PCDHB4: variants seen among roughly 807,000 people sequenced by gnomAD.
The protein encoded by PCDHB4 is protocadherin beta 4.
For synonymous variants in PCDHB4, 482 were observed against 447.3 expected, an observed-to-expected ratio of 1.08 and a Z score of -0.98; for missense variants, 1,063 against 1,007.0, an observed-to-expected ratio of 1.06 and a Z score of -0.75.
Position 141,124,080 on chromosome 5 carries a change from C to T in PCDHB4, c.2082C>T (p.Ala694=), listed in dbSNP as rs17844419. 44 of 1,608,096 alleles carry T rather than the reference C, an allele frequency of 2.7e-5. No homozygotes were observed. The highest frequency in any genetic ancestry group is 1.1e-4 in the East Asian group (5 of 44,860). ...CCGTCTACCTGGTGGTGGCGTTGGCCTCGGTGTCGTCGCTCTTCCTCTTCT... is the reference window on the plus strand; with the variant it reads ...CCGTCTACCTGGTGGTGGCGTTGGCTTCGGTGTCGTCGCTCTTCCTCTTCT... ...SLTVYLVVAL[A]SVSSLFLFSV... The change falls in exon 1 of 1, where the codon GCC becomes GCT. Residue 694 remains alanine, a synonymous_variant. Transcript: ENST00000194152.
rs1752322926 is a variant in PCDHB4, at chr5:141,122,998, A to G, written c.1000A>G (p.Ile334Val). ...CCTTTCTGGAAAAGGCACTGTAGTC[A>G]TAGAGGTGGTGGATGTGAATGACAA... Reference protein sequence around the residue: ...GGLSGKGTVVIEVVDVNDNPP... With the variant: ...GGLSGKGTVVVEVVDVNDNPP... The change falls in exon 1 of 1, where the codon ATA becomes GTA. Residue 334 changes from isoleucine to valine, a missense_variant. Coordinates refer to ENST00000194152, the MANE Select transcript of PCDHB4 (RefSeq NM_018938.4). The G allele has an allele frequency of 6.2e-7, 1 of 1,614,078 alleles. No homozygotes were observed. Among genetic ancestry groups the G allele is most frequent in the South Asian group, 1.1e-5 (1 of 91,052 alleles).
Position 141,122,079 on chromosome 5 carries a change from C to G in PCDHB4, c.81C>G (p.Leu27=). 1 of 1,614,058 alleles carries G rather than the reference C, an allele frequency of 6.2e-7. No homozygotes were observed. The highest frequency in any genetic ancestry group is 8.5e-7 in the Non-Finnish European group (1 of 1,180,004). Residue 27 remains leucine (L), a synonymous_variant, in exon 1 of 1, where the codon CTC becomes CTG. Transcript: ENST00000194152. ...TGGTGTTCTTGTCTCAGGTTCGCCT[C>G]GAGCCTATTCGTTATTCTGTGTTGG... The part of the protein sequence containing the change: ...ILMVFLSQVR[L]EPIRYSVLEE...
chr5:141,121,828 A>C lies in PCDHB4; in HGVS notation c.-171A>C. 1.9e-6 allele frequency: 1 copy of C among 533,062 alleles called. No individual in the cohort carries two copies. The highest frequency in any genetic ancestry group is 3.0e-5 in the East Asian group (1 of 33,090). 33.0% of individuals were successfully genotyped at this position (533,062 alleles called of 1,614,324 possible). ...GACGCAATCAAAAACACACGGAAGAAGCGTTACAAGCAGTGCAGGTTTACC... is the reference window on the plus strand; with the variant it reads ...GACGCAATCAAAAACACACGGAAGACGCGTTACAAGCAGTGCAGGTTTACC... On this transcript the variant is annotated 5_prime_UTR_variant, in exon 1 of 1. Transcript: ENST00000194152.
Position 141,123,702 on chromosome 5 carries a change from C to T in PCDHB4, c.1704C>T (p.Ser568=), listed in dbSNP as rs782809098. The T allele has an allele frequency of 6.2e-6, 10 of 1,610,910 alleles. No individual in the cohort carries two copies. Among genetic ancestry groups the T allele is most frequent in the Non-Finnish European group, 8.5e-6 (10 of 1,179,686 alleles). Residue 568 remains serine, a synonymous_variant, in exon 1 of 1, where the codon TCC becomes TCT. Transcript: ENST00000194152. The part of the protein sequence containing the change: ...PFVLYPLQNG[S]APCTELVPRA... ...TGCTGTACCCGCTGCAGAATGGCTC[C>T]GCGCCCTGCACCGAGCTGGTGCCCC...
In PCDHB4 at chr5:141,124,044, C is replaced by A; in HGVS notation, c.2046C>A (p.Ala682=). The A allele has an allele frequency of 6.2e-7, 1 of 1,606,558 alleles. No homozygotes were observed. Among genetic ancestry groups the A allele is most frequent in the Non-Finnish European group, 8.5e-7 (1 of 1,179,738 alleles). The change falls in exon 1 of 1, where the codon GCC becomes GCA. Residue 682 remains alanine (A), a synonymous_variant. Transcript: ENST00000194152. ...AGGCGGCCCCGGCCCAGGCCCAGGC[C>A]GACTCTCTCACCGTCTACCTGGTGG... is the stretch of plus-strand genomic sequence containing the variant. ...LPEAAPAQAQ[A]DSLTVYLVVA...
chr5:141,123,543 C>T lies in PCDHB4; in HGVS notation c.1545C>T (p.Leu515=). ...CAGACAACGGCCACCTGTTCGCCCT[C>T]AGGTCGCTGGACTACGAGGCCCTGC... ...INADNGHLFA[L]RSLDYEALQA... The change falls in exon 1 of 1, where the codon CTC becomes CTT. Residue 515 remains leucine, a synonymous_variant. Coordinates refer to ENST00000194152, the MANE Select transcript of PCDHB4 (RefSeq NM_018938.4). 1 of 1,613,184 alleles carries T rather than the reference C, an allele frequency of 6.2e-7. No individual in the cohort carries two copies. Among genetic ancestry groups the T allele is most frequent in the East Asian group, 2.2e-5 (1 of 44,882 alleles).
chr5:141,122,183 C>T lies in PCDHB4; in HGVS notation c.185C>T (p.Ser62Leu). The T allele has an allele frequency of 6.2e-7, 1 of 1,614,180 alleles. No individual in the cohort carries two copies. Among genetic ancestry groups the T allele is most frequent in the African/African-American group, 1.3e-5 (1 of 75,052 alleles). ...GLGIGELASR[S>L]ARVLSDDDKQ... ...GGAATTGGGGAACTGGCCTCCCGGTCAGCCCGGGTGCTGTCTGACGATGAC... is the reference window on the plus strand; with the variant it reads ...GGAATTGGGGAACTGGCCTCCCGGTTAGCCCGGGTGCTGTCTGACGATGAC... Residue 62 changes from serine (S) to leucine (L), a missense_variant, in exon 1 of 1, where the codon TCA becomes TTA. Physicochemically the swap from Ser to Leu is moderately radical, Grantham distance 145 (BLOSUM62 -2). Coordinates refer to ENST00000194152, the MANE Select transcript of PCDHB4 (RefSeq NM_018938.4).
rs1424798364 is a variant in PCDHB4, at chr5:141,121,926, G to A, written c.-73G>A. On this transcript the variant is annotated 5_prime_UTR_variant, in exon 1 of 1. Coordinates refer to ENST00000194152, the MANE Select transcript of PCDHB4 (RefSeq NM_018938.4). Reference sequence around the variant, plus strand: ...ACTGTGTGACGATTCCTCCAAGCAAGAAATTGGAATTGAATGTCTCAAGTC... The same window carrying A: ...ACTGTGTGACGATTCCTCCAAGCAAAAAATTGGAATTGAATGTCTCAAGTC... 9.2e-7 allele frequency: 1 copy of A among 1,084,982 alleles called. No homozygotes were observed. Among genetic ancestry groups the A allele is most frequent in the Non-Finnish European group, 1.3e-6 (1 of 748,600 alleles). The allele number at this position is 1,084,982 out of a possible 1,614,324, so 67.2% of individuals were successfully genotyped here. A position where few individuals can be genotyped will look rare whatever the true frequency, so the allele number is the denominator to read the frequency against.
At position 141,122,167 on chromosome 5, in the gene PCDHB4, G is replaced by T. The variant is rs782170787; in HGVS notation, c.169G>T (p.Glu57Ter). The stretch of plus-strand genomic sequence containing the variant: ...CAAGGATCTGGGCCTGGGAATTGGG[G>T]AACTGGCCTCCCGGTCAGCCCGGGT... Reference protein sequence around the residue: ...LAKDLGLGIGELASRSARVLS... With the variant: ...LAKDLGLGIG Residue 57 changes from glutamate (E) to a stop codon, truncating the protein, a stop_gained, in exon 1 of 1, where the codon GAA becomes TAA. Coordinates refer to ENST00000194152, the MANE Select transcript of PCDHB4 (RefSeq NM_018938.4). LOFTEE classifies it low-confidence loss of function (END_TRUNC). The T allele has an allele frequency of 6.2e-7, 1 of 1,614,186 alleles. No individual in the cohort carries two copies. The highest frequency in any genetic ancestry group is 8.5e-7 in the Non-Finnish European group (1 of 1,180,042).
chr5:141,123,665 A>G lies in PCDHB4; in HGVS notation c.1667A>G (p.Asn556Ser). 6.2e-7 allele frequency: 1 copy of G among 1,611,208 alleles called. No homozygotes were observed. The highest frequency in any genetic ancestry group is 1.1e-5 in the South Asian group (1 of 90,938). The change falls in exon 1 of 1, where the codon AAC (asparagine) becomes AGC (serine). Residue 556 changes from asparagine to serine, a missense_variant. Coordinates refer to ENST00000194152, the MANE Select transcript of PCDHB4 (RefSeq NM_018938.4). ...VRVLVLDTND[N>S]SPFVLYPLQN... ...GTGCTGGTGCTGGACACCAACGACA[A>G]CTCGCCCTTCGTGCTGTACCCGCTG... is the stretch of plus-strand genomic sequence containing the variant.
In PCDHB4 at chr5:141,123,184, T is replaced by A; in HGVS notation, c.1186T>A (p.Leu396Met). Residue 396 changes from leucine to methionine, a missense_variant, in exon 1 of 1, where the codon TTG becomes ATG. Transcript: ENST00000194152. ...TCTACCGTTTATTCTAAAACCAACT[T>A]TGAAGAATTTTTACACCCTGGTAAC... ...DNLPFILKPT[L>M]KNFYTLVTER... 6.2e-7 allele frequency: 1 copy of A among 1,614,040 alleles called. No homozygotes were observed. Among genetic ancestry groups the A allele is most frequent in the Non-Finnish European group, 8.5e-7 (1 of 1,180,002 alleles).
Position 141,123,604 on chromosome 5 carries a change from G to C in PCDHB4, c.1606G>C (p.Gly536Arg). Residue 536 changes from glycine (G) to arginine (R), a missense_variant, in exon 1 of 1, where the codon GGT becomes CGT. Physicochemically the swap from Gly to Arg is moderately radical, Grantham distance 125. Coordinates refer to ENST00000194152, the MANE Select transcript of PCDHB4 (RefSeq NM_018938.4). ...GTTCCGCGTGGGCGCCTCAGACCGC[G>C]GTTCTCCGGCTTTGAGCAGCGAGGC... ...FEFRVGASDR[G>R]SPALSSEALV... 1 of 1,612,248 alleles carries C rather than the reference G, an allele frequency of 6.2e-7. No homozygotes were observed. The highest frequency in any genetic ancestry group is 8.5e-7 in the Non-Finnish European group (1 of 1,179,800).
At position 141,122,631 on chromosome 5, in the gene PCDHB4, C is replaced by A. The variant is rs1752310283; in HGVS notation, c.633C>A (p.Leu211=). 1 of 1,614,060 alleles carries A rather than the reference C, an allele frequency of 6.2e-7. No individual in the cohort carries two copies. Among genetic ancestry groups the A allele is most frequent in the African/African-American group, 1.3e-5 (1 of 74,934 alleles). Residue 211 remains leucine, a synonymous_variant, in exon 1 of 1, where the codon CTC becomes CTA. Coordinates refer to ENST00000194152, the MANE Select transcript of PCDHB4 (RefSeq NM_018938.4). ...AGCAGCCTGAGTTCAGCTTAACCCT[C>A]GTGGCGCTGGATGGTGGGTCACCAC... is the stretch of plus-strand genomic sequence containing the variant. The part of the protein sequence containing the change: ...REEQPEFSLT[L]VALDGGSPPR...
chr5:141,123,625 G>A lies in PCDHB4; in HGVS notation c.1627G>A (p.Glu543Lys). 1 of 1,612,006 alleles carries A rather than the reference G, an allele frequency of 6.2e-7. No homozygotes were observed. Among genetic ancestry groups the A allele is most frequent in the Non-Finnish European group, 8.5e-7 (1 of 1,179,770 alleles). Reference sequence around the variant, plus strand: ...CCGCGGTTCTCCGGCTTTGAGCAGCGAGGCGCTGGTGCGCGTGCTGGTGCT... The same window carrying A: ...CCGCGGTTCTCCGGCTTTGAGCAGCAAGGCGCTGGTGCGCGTGCTGGTGCT... ...SDRGSPALSSEALVRVLVLDT... is the reference protein window; with the variant it reads ...SDRGSPALSSKALVRVLVLDT... Residue 543 changes from glutamate (E) to lysine (K), a missense_variant, in exon 1 of 1, where the codon GAG becomes AAG. By Grantham distance (56) the Glu-to-Lys change is moderately conservative (BLOSUM62 1). Coordinates refer to ENST00000194152, the MANE Select transcript of PCDHB4 (RefSeq NM_018938.4).
Position 141,123,261 on chromosome 5 carries a change from C to T in PCDHB4, c.1263C>T (p.Ala421=), listed in dbSNP as rs782681009. The T allele has an allele frequency of 1.9e-6, 3 of 1,614,184 alleles. No homozygotes were observed. Among genetic ancestry groups the T allele is most frequent in the Non-Finnish European group, 8.5e-7 (1 of 1,180,032 alleles). ...ETSAEYNITI[A]VTDLGTPRLK... is the part of the protein sequence containing the mutation. Reference sequence around the variant, plus strand: ...GCGCTGAGTACAACATCACCATCGCCGTCACTGACTTGGGGACACCCAGGC... The same window carrying T: ...GCGCTGAGTACAACATCACCATCGCTGTCACTGACTTGGGGACACCCAGGC... The change falls in exon 1 of 1, where the codon GCC becomes GCT. Residue 421 remains alanine (A), a synonymous_variant. Coordinates refer to ENST00000194152, the MANE Select transcript of PCDHB4 (RefSeq NM_018938.4).
Position 141,122,487 on chromosome 5 carries a change from C to T in PCDHB4, c.489C>T (p.Ser163=). 6.2e-7 allele frequency: 1 copy of T among 1,614,224 alleles called. No individual in the cohort carries two copies. Among genetic ancestry groups the T allele is most frequent in the East Asian group, 2.2e-5 (1 of 44,888 alleles). The change falls in exon 1 of 1, where the codon AGC becomes AGT. Residue 163 remains serine, a synonymous_variant. Coordinates refer to ENST00000194152, the MANE Select transcript of PCDHB4 (RefSeq NM_018938.4). The part of the protein sequence containing the change: ...LLIAEDLDVG[S]NGLQKYTISP... ...TAGCTGAGGATTTGGATGTGGGCAGCAATGGTCTTCAAAAATACACAATCA... is the reference window on the plus strand; with the variant it reads ...TAGCTGAGGATTTGGATGTGGGCAGTAATGGTCTTCAAAAATACACAATCA...
chr5:141,123,046 T>C lies in PCDHB4; in HGVS notation c.1048T>C (p.Ser350Pro). 6.2e-7 allele frequency: 1 copy of C among 1,613,956 alleles called. No individual in the cohort carries two copies. Among genetic ancestry groups the C allele is most frequent in the Non-Finnish European group, 8.5e-7 (1 of 1,179,956 alleles). ...CAATCCCCCAGAACTTATCATATCT[T>C]CACTCACCAGCTCCATCCCAGAAAA... ...NDNPPELIISSLTSSIPENAP... is the reference protein window; with the variant it reads ...NDNPPELIISPLTSSIPENAP... Residue 350 changes from serine to proline, a missense_variant, in exon 1 of 1, where the codon TCA becomes CCA. Physicochemically the swap from Ser to Pro is moderately conservative, Grantham distance 74 (BLOSUM62 -1). Transcript: ENST00000194152.
Position 141,122,064 on chromosome 5 carries a change from G to A in PCDHB4, c.66G>A (p.Leu22=). The change falls in exon 1 of 1, where the codon TTG becomes TTA. Residue 22 remains leucine, a synonymous_variant. Transcript: ENST00000194152. ...TGGCCTTTATTTTGATGGTGTTCTT[G>A]TCTCAGGTTCGCCTCGAGCCTATTC... is the stretch of plus-strand genomic sequence containing the variant. The part of the protein sequence containing the change: ...QVLAFILMVF[L]SQVRLEPIRY... The A allele has an allele frequency of 1.2e-6, 2 of 1,613,954 alleles. No homozygotes were observed. Among genetic ancestry groups the A allele is most frequent in the South Asian group, 1.1e-5 (1 of 90,998 alleles).
In PCDHB4 at chr5:141,123,851, C is replaced by A. The variant is rs200399799; in HGVS notation, c.1853C>A (p.Ala618Glu). Reference protein sequence around the residue: ...ATEPGLFGVWAHNGEVRTARL... With the variant: ...ATEPGLFGVWEHNGEVRTARL... ...GAGCCTGGGCTGTTCGGCGTGTGGG[C>A]GCACAATGGCGAGGTGCGCACCGCC... is the stretch of plus-strand genomic sequence containing the variant. Residue 618 changes from alanine to glutamate, a missense_variant, in exon 1 of 1, where the codon GCG becomes GAG. Ala to Glu is a moderately radical substitution (Grantham distance 107). Transcript: ENST00000194152. The A allele has an allele frequency of 1.2e-6, 2 of 1,608,356 alleles. No individual in the cohort carries two copies. The highest frequency in any genetic ancestry group is 1.7e-6 in the Non-Finnish European group (2 of 1,179,674).
Sources: gnomAD v4.1 joint callset for allele counts on GRCh38, gnomAD v4.1.1 for gene constraint, MANE v1.5 for transcripts, NCBI Gene and HGNC (gene_info 2026-07-23, HGNC 2026-07-21) for gene names.